Variants in ARMH4 observed in about 807,000 individuals in gnomAD.
ARMH4 encodes armadillo-like helical domain-containing protein 4.
A neutral mutation model predicts 61.9 loss-of-function variants in ARMH4; 49 were observed. The ratio of observed to expected loss-of-function variants is 0.79; its 90% CI spans 0.63 to 1.00. The LOEUF is 1.00. Among genes scored for constraint, ARMH4 ranks in the 50% least tolerant of loss-of-function variants. The probability of loss-of-function intolerance (pLI) is 0.00; values close to 1 mark genes in which losing one functional copy is unlikely to be tolerated. For synonymous variants in ARMH4, 368 were observed against 341.5 expected, an observed-to-expected ratio of 1.08 and a Z score of -0.85; for missense variants, 934 against 930.0, an observed-to-expected ratio of 1.00 and a Z score of -0.06.
Position 58,016,408 on chromosome 14 carries a change from G to A in ARMH4, c.2090-4258C>T, listed in dbSNP as rs572665826. On this transcript the variant is annotated intron_variant, in intron 5 of 7. Coordinates refer to ENST00000267485, the MANE Select transcript of ARMH4 (RefSeq NM_001001872.4). ...TGAGTTTGTAGATAAAAAATATTACGTGTAAAATTTGAACAATGCACATCA... is the reference window on the plus strand; with the variant it reads ...TGAGTTTGTAGATAAAAAATATTACATGTAAAATTTGAACAATGCACATCA... Among the ~76,000 whole-genome samples the A allele has an allele frequency of 2.0e-5, 3 of 152,210 alleles. No individual in the cohort carries two copies. The South Asian group carries it at 6.2e-4, about 32-fold the overall frequency.
intron 6 of ARMH4, among the ~76,000 whole-genome samples, chr14:58,010,336 A>G (rs764674571): frequency 2.6e-5 from 4 of 152,192 alleles, no homozygotes; most frequent in Non-Finnish European, 5.9e-5. Context: ...TGTTAAACGA[A>G]GATATATGTA....
intron 4 of ARMH4, among the ~76,000 whole-genome samples, chr14:58,120,362 C>T (rs776439754): frequency 2.0e-4 from 31 of 152,100 alleles, no homozygotes; most frequent in Non-Finnish European, 4.1e-4. Context: ...GCCACACACA[C>T]ACACACACAC....
intron 5 of ARMH4, among the ~76,000 whole-genome samples, chr14:58,026,943 A>G (rs1220447027): frequency 1.3e-5 from 2 of 152,210 alleles, no homozygotes; most frequent in Non-Finnish European, 2.9e-5. Context: ...TACTTAATCA[A>G]CAAGAAGCTC....
intron 6 of ARMH4, among the ~76,000 whole-genome samples, chr14:58,006,426 G>A (rs1882172082): frequency 1.3e-5 from 2 of 152,184 alleles, no homozygotes; most frequent in South Asian, 4.1e-4. Flanking sequence ...AAGTGCTGAA[G>A]TATGCAGGCT....
At chr14:58,025,298 T>C (rs564801872) in intron 5 of ARMH4, among the ~76,000 whole-genome samples, 19 of 152,294 alleles carry the variant, frequency 1.2e-4, no homozygotes, top group Admixed American at 2.6e-4. Flanking sequence ...CTTGAATTTA[T>C]AAAACATAGC....
chr14:58,020,074 A>T (rs1420981635), intron 5 of ARMH4, among the ~76,000 whole-genome samples: 1 of 152,228 alleles, frequency 6.6e-6, no homozygotes, highest in Non-Finnish European at 1.5e-5. Flanking sequence ...CCTCACAAAA[A>T]TTCTGCAAGG....
chr14:58,107,503 C>T (rs542715525), intron 4 of ARMH4, among the ~76,000 whole-genome samples: 3 of 152,216 alleles, frequency 2.0e-5, no homozygotes, highest in South Asian at 2.1e-4. Flanking sequence ...CAGTGGCTCA[C>T]GGCTGTAATC....
At chr14:58,104,795 G>A (rs547327499) in intron 4 of ARMH4, among the ~76,000 whole-genome samples, 1 of 152,306 alleles carries the variant, frequency 6.6e-6, no homozygotes, top group African/African-American at 2.4e-5. Context: ...TGAGTACTTG[G>A]CAATCAACAG....
chr14:58,103,219 G>A (rs1886061829), intron 4 of ARMH4, among the ~76,000 whole-genome samples: 1 of 152,026 alleles, frequency 6.6e-6, no homozygotes, highest in Non-Finnish European at 1.5e-5. Flanking sequence ...GAGGGAGGCA[G>A]ACACTGGAAT....
At chr14:58,028,285 A>G (rs1178311571) in intron 5 of ARMH4, among the ~76,000 whole-genome samples, 1 of 152,194 alleles carries the variant, frequency 6.6e-6, no homozygotes, top group East Asian at 1.9e-4. Context: ...GGAATCCTGT[A>G]CACCCTGAAT....
chr14:58,134,126 C>T (rs1887223093), intron 2 of ARMH4, among the ~76,000 whole-genome samples: 1 of 152,138 alleles, frequency 6.6e-6, no homozygotes, highest in Non-Finnish European at 1.5e-5. Context: ...GGTAAGTATT[C>T]AATAATTACC....
chr14:58,151,498 G>A (rs1218887687), intron 1 of ARMH4, among the ~76,000 whole-genome samples: 1 of 152,094 alleles, frequency 6.6e-6, no homozygotes, highest in African/African-American at 2.4e-5. Context: ...ACGAGTCAGG[G>A]GCTGAGCAAG....
intron 6 of ARMH4, among the ~76,000 whole-genome samples, chr14:58,010,241 T>C (rs1882353477): frequency 9.5e-6 from 1 of 104,788 alleles, no homozygotes; most frequent in African/African-American, 3.2e-5. Flanking sequence ...GTGAGGAAGA[T>C]ATATGTATAT....
At chr14:58,064,692 C>A (rs1884645038) in intron 5 of ARMH4, among the ~76,000 whole-genome samples, 1 of 152,124 alleles carries the variant, frequency 6.6e-6, no homozygotes. Flanking sequence ...TGATATTGTG[C>A]TAGGTGCCAT....
chr14:58,087,590 G>T (rs1397589628), intron 5 of ARMH4, among the ~76,000 whole-genome samples: 1 of 152,170 alleles, frequency 6.6e-6, no homozygotes, highest in Non-Finnish European at 1.5e-5. Context: ...CAGCTGACCT[G>T]GGCAAAGTGA....
At chr14:58,144,364 G>A (rs569228359) in intron 1 of ARMH4, among the ~76,000 whole-genome samples, 1 of 152,162 alleles carries the variant, frequency 6.6e-6, no homozygotes, top group East Asian at 1.9e-4. Flanking sequence ...AGGAGTTTGA[G>A]ACCAGCCTGA....
intron 4 of ARMH4, among the ~76,000 whole-genome samples, chr14:58,104,960 A>C (rs1240113336): frequency 6.6e-6 from 1 of 152,252 alleles, no homozygotes; most frequent in African/African-American, 2.4e-5. Flanking sequence ...GCAACCACAA[A>C]GTCAACATAT....
chr14:58,132,625 C>CG (rs1887150772), intron 3 of ARMH4, among the ~76,000 whole-genome samples: 1 of 132,738 alleles, frequency 7.5e-6, no homozygotes, highest in Non-Finnish European at 1.6e-5. Flanking sequence ...CTCGCTCTGT[C>CG]ACCAAGCCGG....
Position 58,139,096 on chromosome 14 carries a change from T to TAACATTTA in ARMH4, c.262_263insTAAATGTT (p.Lys88IlefsTer61). 1 of 1,614,240 alleles carries TAACATTTA rather than the reference T, an allele frequency of 6.2e-7. No individual in the cohort carries two copies. Among genetic ancestry groups the TAACATTTA allele is most frequent in the Non-Finnish European group, 8.5e-7 (1 of 1,180,038 alleles). Reference sequence around the variant, plus strand: ...GGTTTCTTTGTTAATCGAGAATGCTTTATTTAATGATGTTGCCGATGGTAC... The same window carrying TAACATTTA: ...GGTTTCTTTGTTAATCGAGAATGCTTAACATTTATATTTAATGATGTTGCCGATGGTAC... On this transcript the variant is annotated frameshift_variant, in exon 2 of 8. Transcript: ENST00000267485. LOFTEE classifies it high-confidence loss of function.
Sources: allele counts gnomAD v4.1 joint callset (sites outside exome capture counted in the v4.1 genomes callset), GRCh38; gene constraint gnomAD v4.1.1; transcripts MANE v1.5; gene names NCBI Gene and HGNC (gene_info 2026-07-23, HGNC 2026-07-21).